Variants in NT5DC1 observed in about 807,000 individuals in gnomAD.
NT5DC1 encodes the protein 5'-nucleotidase domain-containing protein 1.
NT5DC1 carries 42 observed loss-of-function variants against 59.4 expected under a neutral mutation model. The observed-to-expected ratio is 0.71, with a 90% CI of 0.55 to 0.92. The LOEUF is 0.92. Among genes scored for constraint, NT5DC1 ranks in the 40% least tolerant of loss-of-function variants. The pLI, the probability that NT5DC1 is intolerant of heterozygous loss-of-function variation, is 0.00. For missense variants in NT5DC1, 501 were observed against 537.1 expected (o/e 0.93, Z 0.66); for synonymous variants, 172 against 188.1 (o/e 0.91, Z 0.70).
At chr6:116,222,416 G>A (rs964986232) in intron 7 of NT5DC1, among the ~76,000 whole-genome samples, 3 of 152,154 alleles carry the variant, frequency 2.0e-5, no homozygotes, top group African/African-American at 7.2e-5. Context: ...TTCCCCCATT[G>A]TAATAGTGAG....
At chr6:116,179,317 C>A (rs1421813724) in intron 6 of NT5DC1, among the ~76,000 whole-genome samples, 1 of 152,016 alleles carries the variant, frequency 6.6e-6, no homozygotes, top group African/African-American at 2.4e-5. Context: ...GGAGGATTTA[C>A]ATTCTTATAC....
At chr6:116,111,835 A>T (rs1778883200) in intron 4 of NT5DC1, among the ~76,000 whole-genome samples, 1 of 152,176 alleles carries the variant, frequency 6.6e-6, no homozygotes, top group Admixed American at 6.5e-5. Context: ...AAGATTTCAC[A>T]CTGGGGTTAG....
rs752540751 is a variant in NT5DC1, at chr6:116,121,686, G to A, written c.529+3741G>A. The A allele has an allele frequency of 4.0e-5, 64 of 1,613,928 alleles. No homozygotes were observed. The highest frequency in any genetic ancestry group is 1.1e-4 in the African/African-American group (8 of 74,866). On this transcript the variant is annotated intron_variant, in intron 6 of 11. Transcript: ENST00000319550. ...ATTCCAGCCGGTCCAGGGATTCCAG[G>A]TGGTCCTGGTGGGCCCCGGGGTCCT... is the stretch of plus-strand genomic sequence containing the variant.
At chr6:116,127,068 C>T (rs537626161) in intron 6 of NT5DC1, among the ~76,000 whole-genome samples, 2 of 152,048 alleles carry the variant, frequency 1.3e-5, no homozygotes, top group African/African-American at 2.4e-5. Context: ...TTAATTTCAT[C>T]GTTTTGAATC....
At chr6:116,137,181 G>T in intron 6 of NT5DC1, 1 of 184,028 alleles carries the variant, frequency 5.4e-6, no homozygotes, top group Non-Finnish European at 1.3e-5. Context: ...AAAACCCAAA[G>T]GGATGTCTGC....
intron 8 of NT5DC1, among the ~76,000 whole-genome samples, chr6:116,228,228 G>T (rs150808976): frequency 6.6e-6 from 1 of 152,292 alleles, no homozygotes; most frequent in East Asian, 1.9e-4. Context: ...CCTCATTTTG[G>T]CCGGGAGCGG....
At chr6:116,231,530 G>A (rs193298027) in intron 8 of NT5DC1, among the ~76,000 whole-genome samples, 1 of 152,198 alleles carries the variant, frequency 6.6e-6, no homozygotes, top group Non-Finnish European at 1.5e-5. Flanking sequence ...TTAGGGCAGA[G>A]ACTTGAGCCA....
intron 8 of NT5DC1, among the ~76,000 whole-genome samples, chr6:116,236,116 G>T (rs1212780528): frequency 6.6e-6 from 1 of 152,126 alleles, no homozygotes; most frequent in Non-Finnish European, 1.5e-5. Flanking sequence ...AAAGTGGGGG[G>T]AATAAACCTT....
intron 6 of NT5DC1, among the ~76,000 whole-genome samples, chr6:116,147,801 C>A (rs903254602): frequency 1.3e-5 from 2 of 151,964 alleles, no homozygotes; most frequent in African/African-American, 4.8e-5. Flanking sequence ...TTGATTATAC[C>A]ATTGTTTGTA....
chr6:116,196,406 C>T (rs185072572), intron 6 of NT5DC1, among the ~76,000 whole-genome samples: 2 of 152,056 alleles, frequency 1.3e-5, no homozygotes, highest in Admixed American at 1.3e-4. Context: ...CCAGTTTTAC[C>T]TAATAGCATT....
At chr6:116,224,585 A>C (rs1327646944) in intron 8 of NT5DC1, among the ~76,000 whole-genome samples, 1 of 152,228 alleles carries the variant, frequency 6.6e-6, no homozygotes, top group Non-Finnish European at 1.5e-5. Flanking sequence ...AAGTGCTGAG[A>C]AGAGCAGAGG....
At chr6:116,196,053 A>AG (rs1344098344) in intron 6 of NT5DC1, among the ~76,000 whole-genome samples, 1 of 152,014 alleles carries the variant, frequency 6.6e-6, no homozygotes, top group Non-Finnish European at 1.5e-5. Flanking sequence ...CGGGTTGTTA[A>AG]GGGGCTAAAC....
At chr6:116,158,604 T>C (rs1780257614) in intron 6 of NT5DC1, 1 of 152,206 alleles carries the variant, frequency 6.6e-6, no homozygotes, top group Admixed American at 6.5e-5. Flanking sequence ...CACGTTTGAA[T>C]TTCTCCTACC....
chr6:116,142,772 G>A (rs927822316), intron 6 of NT5DC1, among the ~76,000 whole-genome samples: 1 of 152,120 alleles, frequency 6.6e-6, no homozygotes, highest in Admixed American at 6.5e-5. Flanking sequence ...TTTGTTTCTT[G>A]TGAACTGTCT....
intron 6 of NT5DC1, chr6:116,121,137 G>T: frequency 1.2e-6 from 2 of 1,613,418 alleles, no homozygotes; most frequent in Non-Finnish European, 1.7e-6. Flanking sequence ...AGACCTGCTG[G>T]CCCTTGTTCC....
At chr6:116,103,039 C>T (rs1331261951) in intron 1 of NT5DC1, among the ~76,000 whole-genome samples, 2 of 152,160 alleles carry the variant, frequency 1.3e-5, no homozygotes, top group Non-Finnish European at 2.9e-5. Context: ...CCACAAAACC[C>T]TTCATTCCTC....
At chr6:116,123,643 TCTTA>T (rs1164790766) in intron 6 of NT5DC1, among the ~76,000 whole-genome samples, 1 of 152,228 alleles carries the variant, frequency 6.6e-6, no homozygotes, top group African/African-American at 2.4e-5. Context: ...CAACTTAATG[TCTTA>T]CTTGTATAGA....
intron 6 of NT5DC1, among the ~76,000 whole-genome samples, chr6:116,209,561 G>A (rs750104395): frequency 6.6e-6 from 1 of 152,002 alleles, no homozygotes; most frequent in Non-Finnish European, 1.5e-5. Context: ...TGCAGAGTGG[G>A]TATTGGGGAG....
At position 116,121,120 on chromosome 6, in the gene NT5DC1, C is replaced by G. The variant is rs1465902614; in HGVS notation, c.529+3175C>G. 4.3e-6 allele frequency: 7 copies of G among 1,613,602 alleles called. No individual in the cohort carries two copies. The South Asian group carries it at 7.7e-5, about 18-fold the overall frequency. ...CAGGGGGTCCAGTCAGACCTGGCTT[C>G]CCAGGAAGACCTGCTGGCCCTTGTT... is the stretch of plus-strand genomic sequence containing the variant. On this transcript the variant is annotated intron_variant, in intron 6 of 11. Coordinates refer to ENST00000319550, the MANE Select transcript of NT5DC1 (RefSeq NM_152729.3).
Sources: allele counts gnomAD v4.1 joint callset (sites outside exome capture counted in the v4.1 genomes callset), GRCh38; gene constraint gnomAD v4.1.1; transcripts MANE v1.5; gene names NCBI Gene and HGNC (gene_info 2026-07-23, HGNC 2026-07-21).